ZBTB10: variants seen among roughly 807,000 people sequenced by gnomAD.
ZBTB10 encodes zinc finger and BTB domain containing 10.
A neutral mutation model predicts 76.4 loss-of-function variants in ZBTB10; 32 were observed. The ratio of observed to expected loss-of-function variants is 0.42; its 90% confidence interval spans 0.32 to 0.56. The LOEUF is 0.56. Ranked by LOEUF, ZBTB10 falls within the 20% of genes least tolerant of loss-of-function variation. The pLI is 0.14. For missense variants in ZBTB10, 1,057 were observed against 1,098.5 expected, an observed-to-expected ratio of 0.96 and a Z score of 0.53; for synonymous variants, 523 against 432.9, an observed-to-expected ratio of 1.21 and a Z score of -2.58.
intron 2 of ZBTB10, among the ~76,000 whole-genome samples, chr8:80,507,319 GAAA>G (rs1304554848): frequency 8.2e-6 from 1 of 121,674 alleles, no homozygotes; most frequent in African/African-American, 3.0e-5. Flanking sequence ...AAGAAGAAAA[GAAA>G]AAAAAAACAG....
chr8:80,515,452 C>T (rs969156605), intron 3 of ZBTB10, among the ~76,000 whole-genome samples: 4 of 152,106 alleles, frequency 2.6e-5, no homozygotes, highest in Admixed American at 6.5e-5. Context: ...TTTCCCCTGA[C>T]TGTTTAAAAG....
chr8:80,517,137 G>A (rs1816344099), intron 3 of ZBTB10, among the ~76,000 whole-genome samples: 1 of 152,176 alleles, frequency 6.6e-6, no homozygotes. Flanking sequence ...TACTGTGAGG[G>A]TGGGTAGTCT....
At chr8:80,487,948 A>G (rs1015359304) in intron 1 of ZBTB10, among the ~76,000 whole-genome samples, 166 bp downstream of exon 1, 2 of 152,180 alleles carry the variant, frequency 1.3e-5, no homozygotes, top group African/African-American at 4.8e-5. Flanking sequence ...GGGGTTTAGA[A>G]AGCCTGGGAA....
chr8:80,516,090 C>T (rs932177095), intron 3 of ZBTB10, among the ~76,000 whole-genome samples: 1 of 152,154 alleles, frequency 6.6e-6, no homozygotes, highest in African/African-American at 2.4e-5. Context: ...GGATATTCTT[C>T]TGTCTCCTTT....
Position 80,504,834 on chromosome 8 carries a change from C to T in ZBTB10, c.1861+4452C>T, listed in dbSNP as rs571692688. ...ATTTTAGCCAAATAAAGTAGATAACCTGAGATTAGAAATTGAATTACAGAA... is the reference window on the plus strand; with the variant it reads ...ATTTTAGCCAAATAAAGTAGATAACTTGAGATTAGAAATTGAATTACAGAA... On this transcript the variant is annotated intron_variant, in intron 2 of 5. Coordinates refer to ENST00000455036, the MANE Select transcript of ZBTB10 (RefSeq NM_001105539.3). 6.9e-4 allele frequency among the ~76,000 whole-genome samples: 105 copies of T among 152,250 alleles called. 2 individuals carry two copies. The South Asian group carries it at 0.019, about 28-fold the overall frequency.
intron 2 of ZBTB10, among the ~76,000 whole-genome samples, chr8:80,506,434 C>T (rs1386232322): frequency 1.3e-5 from 2 of 152,050 alleles, no homozygotes; most frequent in African/African-American, 2.4e-5. Context: ...CCTGCCTCAG[C>T]CTCCCGAGTA....
chr8:80,490,675 A>C (rs1004263939), intron 1 of ZBTB10, among the ~76,000 whole-genome samples: 2 of 152,180 alleles, frequency 1.3e-5, no homozygotes, highest in African/African-American at 4.8e-5. Context: ...CACTCTTAAT[A>C]TCTTGTCTTA....
chr8:80,496,122 C>T (rs190242971), intron 1 of ZBTB10, among the ~76,000 whole-genome samples: 39 of 152,156 alleles, frequency 2.6e-4, no homozygotes, highest in African/African-American at 8.4e-4. Context: ...GGACATAGAA[C>T]GTTAAAGAAG....
rs555156133 is a variant in ZBTB10, at chr8:80,522,591, A to G, written c.*3063A>G. The G allele has an allele frequency of 1.3e-5, 2 of 152,120 alleles. No homozygotes were observed. Among genetic ancestry groups the G allele is most frequent in the Admixed American group, 6.6e-5 (1 of 15,240 alleles). 9.4% of individuals were successfully genotyped at this position (152,120 alleles called of 1,614,324 possible). ...ACGTTATAGGAAAGGGAAACTGAACAGTAATGAGTAGCTTTGAAATTGGGG... is the reference window on the plus strand; with the variant it reads ...ACGTTATAGGAAAGGGAAACTGAACGGTAATGAGTAGCTTTGAAATTGGGG... On this transcript the variant is annotated 3_prime_UTR_variant, in exon 6 of 6. Transcript: ENST00000455036.
At chr8:80,489,100 C>A (rs1371063668) in intron 1 of ZBTB10, among the ~76,000 whole-genome samples, 1 of 151,530 alleles carries the variant, frequency 6.6e-6, no homozygotes, top group Non-Finnish European at 1.5e-5. Context: ...GTAAATAGTC[C>A]TAAGAGTCTG....
At chr8:80,511,800 T>C (rs994816633) in intron 2 of ZBTB10, among the ~76,000 whole-genome samples, 14 of 152,202 alleles carry the variant, frequency 9.2e-5, no homozygotes, top group Non-Finnish European at 2.1e-4. Flanking sequence ...AAACTTTGTT[T>C]AGTGATATAA....
chr8:80,502,583 G>A (rs1329926203), intron 2 of ZBTB10, among the ~76,000 whole-genome samples: 4 of 152,028 alleles, frequency 2.6e-5, no homozygotes, highest in South Asian at 2.1e-4. Context: ...TTTGGTATCC[G>A]AACCTTGCTT....
Position 80,525,505 on chromosome 8 carries a change from T to G in ZBTB10, c.*5977T>G, listed in dbSNP as rs1265926516. The G allele has an allele frequency of 6.6e-6, 1 of 152,132 alleles. No individual in the cohort carries two copies. The highest frequency in any genetic ancestry group is 2.4e-5 in the African/African-American group (1 of 41,438). The allele number at this position is 152,132 out of a possible 1,614,324, so 9.4% of individuals were successfully genotyped here. ...GGTGAAAGATAAACACAAGACAGTC[T>G]TCTTGGCGCAGGTCCTAACAGTTGG... On this transcript the variant is annotated 3_prime_UTR_variant, in exon 6 of 6. Coordinates refer to ENST00000455036, the MANE Select transcript of ZBTB10 (RefSeq NM_001105539.3).
chr8:80,510,639 A>AGTGTGTGTGT (rs58749656), intron 2 of ZBTB10, among the ~76,000 whole-genome samples: 45 of 125,782 alleles, frequency 3.6e-4, no homozygotes, highest in Middle Eastern at 4.5e-3. Flanking sequence ...TTGTGAAACC[A>AGTGTGTGTGT]GTGTGTGTGT....
intron 5 of ZBTB10, 31 bp downstream of exon 5, chr8:80,518,985 A>G (rs1816395259): frequency 2.6e-6 from 4 of 1,558,226 alleles, no homozygotes; most frequent in African/African-American, 1.4e-5. Flanking sequence ...CTGATCTTTG[A>G]GATAAACTAT....
intron 3 of ZBTB10, among the ~76,000 whole-genome samples, chr8:80,517,871 CTTTTTTT>C (rs773074047): frequency 2.2e-4 from 17 of 76,844 alleles, no homozygotes; most frequent in African/African-American, 1.0e-3. Flanking sequence ...CGCCCGCCAC[CTTTTTTT>C]TTTTTTTTTT....
At position 80,520,785 on chromosome 8, in the gene ZBTB10, A is replaced by ATGAAC. The variant is rs1563469234; in HGVS notation, c.*1258_*1259insGAACT. 6.6e-6 allele frequency: 1 copy of ATGAAC among 151,372 alleles called. No homozygotes were observed. Among genetic ancestry groups the ATGAAC allele is most frequent in the African/African-American group, 2.4e-5 (1 of 41,082 alleles). 9.4% of individuals were successfully genotyped at this position (151,372 alleles called of 1,614,324 possible). A position where few individuals can be genotyped will look rare whatever the true frequency, so the allele number is the denominator to read the frequency against. On this transcript the variant is annotated 3_prime_UTR_variant, in exon 6 of 6. Coordinates refer to ENST00000455036, the MANE Select transcript of ZBTB10 (RefSeq NM_001105539.3). ...AAATTCTGAGAAGCTTTATTATTCT[A>ATGAAC]TAAATTCTTCAGGGTACAAAGGGTG... is the stretch of plus-strand genomic sequence containing the variant.
chr8:80,518,315 A>G (rs1816380960), intron 3 of ZBTB10, 88 bp from the exon 4 acceptor site: 2 of 1,246,170 alleles, frequency 1.6e-6, no homozygotes, highest in East Asian at 5.2e-5. Context: ...TAATGCCTGT[A>G]GGATATAAAT....
Position 80,519,674 on chromosome 8 carries a change from A to G in ZBTB10, c.*146A>G. The G allele has an allele frequency of 3.0e-6, 3 of 985,682 alleles. No individual in the cohort carries two copies. Among genetic ancestry groups the G allele is most frequent in the Non-Finnish European group, 4.3e-6 (3 of 691,140 alleles). 61.1% of individuals were successfully genotyped at this position (985,682 alleles called of 1,614,324 possible). ...GAAAACTGTAGGGTCAAAGCCTTAT[A>G]GCAAAAAAAATTTTTTTTTATATTT... On this transcript the variant is annotated 3_prime_UTR_variant, in exon 6 of 6. Transcript: ENST00000455036.
Sources: allele counts gnomAD v4.1 joint callset (sites outside exome capture counted in the v4.1 genomes callset), GRCh38; gene constraint gnomAD v4.1.1; transcripts MANE v1.5; gene names NCBI Gene and HGNC (gene_info 2026-07-23, HGNC 2026-07-21).